The following ASPSCR1 variants were observed in gnomAD, a reference collection of about 807,000 sequenced individuals.
ASPSCR1 encodes ASPSCR1 tether for SLC2A4, UBX domain containing, also known as tether containing UBX domain for GLUT4.
A neutral mutation model predicts 68.9 loss-of-function variants in ASPSCR1; 55 were observed. The observed-to-expected ratio is 0.80, with a 90% CI of 0.64 to 1.00. The LOEUF (loss-of-function observed/expected upper bound fraction) is 1.00, where lower values mean the gene tolerates loss of function less well. Among genes scored for constraint, ASPSCR1 ranks in the 50% least tolerant of loss-of-function variants. The probability of loss-of-function intolerance (pLI) is 0.00; values close to 1 mark genes in which losing one functional copy is unlikely to be tolerated. For synonymous variants in ASPSCR1, 352 were observed against 332.6 expected, an observed-to-expected ratio of 1.06 and a Z score of -0.63; for missense variants, 765 against 762.2, an observed-to-expected ratio of 1.00 and a Z score of -0.04.
intron 7 of ASPSCR1, among the ~76,000 whole-genome samples, chr17:82,002,855 G>T (rs2042580903): frequency 6.6e-6 from 1 of 151,784 alleles, no homozygotes; most frequent in Non-Finnish European, 1.5e-5. Context: ...ACCGCGCCCG[G>T]CCTGTTTTCA....
Position 82,010,885 on chromosome 17 carries a change from G to A in ASPSCR1, c.1237+17G>A, listed in dbSNP as rs2042915373. 1.3e-5 allele frequency: 21 copies of A among 1,609,874 alleles called. No homozygotes were observed. Among genetic ancestry groups the A allele is most frequent in the Non-Finnish European group, 1.8e-5 (21 of 1,179,510 alleles). ...GCGAGACAGGTGGGCAGCGCTGTGG[G>A]GTGTCCGGGGATGGGGGGCAGGGGC... On this transcript the variant is annotated intron_variant, in intron 10 of 15. Coordinates refer to ENST00000306739, the MANE Select transcript of ASPSCR1 (RefSeq NM_024083.4).
At chr17:81,989,093 A>G (rs2042084245) in intron 4 of ASPSCR1, among the ~76,000 whole-genome samples, 1 of 152,186 alleles carries the variant, frequency 6.6e-6, no homozygotes, top group Non-Finnish European at 1.5e-5. Context: ...CTGTAATCCC[A>G]GCTACTTGGG....
At chr17:82,010,522 C>T (rs2042898317) in intron 9 of ASPSCR1, among the ~76,000 whole-genome samples, 1 of 142,018 alleles carries the variant, frequency 7.0e-6, no homozygotes, top group South Asian at 2.3e-4. Context: ...GAGTGAGACT[C>T]CATCTCAAAA....
chr17:82,015,545 C>G (rs932712302), intron 12 of ASPSCR1: 1 of 764,406 alleles, frequency 1.3e-6, no homozygotes, highest in African/African-American at 1.8e-5. Context: ...GAACCAGGTG[C>G]CTCTCTGCAT....
intron 7 of ASPSCR1, chr17:82,005,066 C>T (rs924788098): frequency 3.9e-5 from 6 of 152,376 alleles, no homozygotes; most frequent in Admixed American, 6.5e-5. Context: ...TTGGATGCCC[C>T]GGCAGCCGTG....
chr17:82,010,141 C>T (rs1257381037), intron 9 of ASPSCR1: 9 of 282,748 alleles, frequency 3.2e-5, no homozygotes, highest in Non-Finnish European at 5.6e-5. Context: ...CGGCTGGTCT[C>T]GAACTCCTGA....
Position 81,994,829 on chromosome 17 carries a change from T to C in ASPSCR1, c.383T>C (p.Leu128Pro), listed in dbSNP as rs1477756089. 1 of 1,613,430 alleles carries C rather than the reference T, an allele frequency of 6.2e-7. No individual in the cohort carries two copies. Among genetic ancestry groups the C allele is most frequent in the Non-Finnish European group, 8.5e-7 (1 of 1,179,972 alleles). Reference protein sequence around the residue: ...LSHFPQIRECLQHPGGATPVC... With the variant: ...LSHFPQIRECPQHPGGATPVC... ...CTTTCCTCTCCTCCCAGGGAGTGCC[T>C]GCAGCACCCCGGCGGGGCCACCCCA... Residue 128 changes from leucine (L) to proline (P), a missense_variant, in exon 5 of 16, where the codon CTG becomes CCG. Coordinates refer to ENST00000306739, the MANE Select transcript of ASPSCR1 (RefSeq NM_024083.4).
At chr17:82,005,602 A>C (rs1162698875) in intron 7 of ASPSCR1, 2 of 152,076 alleles carry the variant, frequency 1.3e-5, no homozygotes, top group Non-Finnish European at 2.9e-5. Context: ...GGCCCCCTGC[A>C]CTGCTGAGGT....
Position 81,996,563 on chromosome 17 carries a change from A to G in ASPSCR1, c.650A>G (p.Asp217Gly), listed in dbSNP as rs761488078. The change falls in exon 7 of 16, where the codon GAC (aspartate) becomes GGC (glycine). Residue 217 changes from aspartate (D) to glycine (G), a missense_variant. Physicochemically the swap from Asp to Gly is moderately conservative, Grantham distance 94. Coordinates refer to ENST00000306739, the MANE Select transcript of ASPSCR1 (RefSeq NM_024083.4). ...LSRGDLSRPE[D>G]ADTSGPCCEH... ...CGCGGCGACTTGAGCCGTCCGGAGGACGCGGACACCTCAGGGCCCTGCTGC... is the reference window on the plus strand; with the variant it reads ...CGCGGCGACTTGAGCCGTCCGGAGGGCGCGGACACCTCAGGGCCCTGCTGC... The G allele has an allele frequency of 3.7e-6, 6 of 1,612,666 alleles. No individual in the cohort carries two copies. The African/African-American group carries it at 8.0e-5, about 22-fold the overall frequency.
intron 7 of ASPSCR1, among the ~76,000 whole-genome samples, chr17:81,998,957 C>G (rs1178122926): frequency 6.6e-6 from 1 of 152,234 alleles, no homozygotes; most frequent in Non-Finnish European, 1.5e-5. Context: ...CACGCCTCCC[C>G]CCAACCGTGG....
At chr17:82,008,977 C>G in intron 7 of ASPSCR1, 60 bp from the exon 8 acceptor site, 1 of 1,433,520 alleles carries the variant, frequency 7.0e-7, no homozygotes, top group Non-Finnish European at 9.1e-7. Flanking sequence ...GCACTGACAG[C>G]CCGGGGTGCG....
Position 81,977,938 on chromosome 17 carries a change from G to T in ASPSCR1, c.102+190G>T, listed in dbSNP as rs1461676138. 1.1e-4 allele frequency: 37 copies of T among 341,518 alleles called. No individual in the cohort carries two copies. In the East Asian group the frequency reaches 1.7e-3, roughly 16 times the overall value. 21.2% of individuals were successfully genotyped at this position (341,518 alleles called of 1,614,324 possible). A position where few individuals can be genotyped will look rare whatever the true frequency, so the allele number is the denominator to read the frequency against. On this transcript the variant is annotated intron_variant, in intron 1 of 15. Coordinates refer to ENST00000306739, the MANE Select transcript of ASPSCR1 (RefSeq NM_024083.4). The surrounding 1 kb of genome is among the most constrained non-coding windows in gnomAD (Gnocchi z 5.0). ...CCGCTGGGGTCCCGGGGGTCCCGGG[G>T]GTCCCGAGTGGGGGCGGGGCGGTGG...
chr17:82,010,700 C>T lies in ASPSCR1; in HGVS notation c.1171-102C>T, dbSNP rs924861246. The T allele has an allele frequency of 2.6e-5, 33 of 1,278,528 alleles. 1 individual carries two copies. The East Asian group carries it at 7.2e-4, about 28-fold the overall frequency. 79.2% of individuals were successfully genotyped at this position (1,278,528 alleles called of 1,614,324 possible). A position where few individuals can be genotyped will look rare whatever the true frequency, so the allele number is the denominator to read the frequency against. On this transcript the variant is annotated intron_variant, in intron 9 of 15. Transcript: ENST00000306739. ...GGGTGGCTGCTTCTGCCTGCCTCAG[C>T]CCTGGTGTCCATGGCCCAGCATGGG... is the stretch of plus-strand genomic sequence containing the variant.
Position 82,009,197 on chromosome 17 carries a change from TGCCCCCTCAGTGCCTCCC to T in ASPSCR1, c.1088+8_1088+25del. ...GCCCAGCTCAAGAGTGAGCGGTGGG[TGCCCCCTCAGTGCCTCCC>T]GGCATCTTCGCGCCAGGGTTTGCCC... On this transcript the variant is annotated splice_region_variant and intron_variant, in intron 8 of 15. Coordinates refer to ENST00000306739, the MANE Select transcript of ASPSCR1 (RefSeq NM_024083.4). 5 of 1,599,218 alleles carry T rather than the reference TGCCCCCTCAGTGCCTCCC, an allele frequency of 3.1e-6. No individual in the cohort carries two copies. The highest frequency in any genetic ancestry group is 4.3e-6 in the Non-Finnish European group (5 of 1,171,812).
chr17:81,997,113 G>GATGAGGCCGTGTGGGCTCCGGA (rs2042374454), intron 7 of ASPSCR1, among the ~76,000 whole-genome samples: 1 of 151,828 alleles, frequency 6.6e-6, no homozygotes, highest in Non-Finnish European at 1.5e-5. Context: ...TCCGCTCCGG[G>GATGAGGCCGTGTGGGCTCCGGA]ATGAGGCCGT....
In ASPSCR1 at chr17:81,983,171, C is replaced by T. The variant is rs1439307649; in HGVS notation, c.159-383C>T. On this transcript the variant is annotated intron_variant, in intron 2 of 15. Transcript: ENST00000306739. The surrounding 1 kb of genome is among the most constrained non-coding windows in gnomAD (Gnocchi z 4.4). Reference sequence around the variant, plus strand: ...GTCAGGTTTTCTGTGGTGGCTCCAGCCGTGACGGCCGGGGTCTGTGACACT... The same window carrying T: ...GTCAGGTTTTCTGTGGTGGCTCCAGTCGTGACGGCCGGGGTCTGTGACACT... 6.6e-6 allele frequency among the ~76,000 whole-genome samples: 1 copy of T among 152,226 alleles called. No homozygotes were observed. Among genetic ancestry groups the T allele is most frequent in the Non-Finnish European group, 1.5e-5 (1 of 68,044 alleles).
chr17:81,985,195 T>C (rs1461730998), intron 3 of ASPSCR1, among the ~76,000 whole-genome samples: 3 of 123,926 alleles, frequency 2.4e-5, no homozygotes, highest in Non-Finnish European at 5.1e-5. Flanking sequence ...CATGCACACA[T>C]CCACACACAT....
intron 4 of ASPSCR1, 65 bp from the exon 5 acceptor site, chr17:81,994,756 A>G: frequency 2.0e-6 from 3 of 1,529,074 alleles, no homozygotes; most frequent in African/African-American, 1.4e-5. Flanking sequence ...CTCCTGCCCC[A>G]GGGCCTCCGT....
intron 12 of ASPSCR1, chr17:82,013,443 A>C (rs1415063599): frequency 1.3e-5 from 2 of 152,026 alleles, no homozygotes; most frequent in African/African-American, 2.4e-5. Flanking sequence ...GCTCGGCTCT[A>C]GCCTCGGGGC....
Sources: gnomAD v4.1 joint callset for allele counts (sites outside exome capture counted in the v4.1 genomes callset) on GRCh38, gnomAD v4.1.1 for gene constraint, Gnocchi (gnomAD v3.1) non-coding constraint, MANE v1.5 for transcripts, NCBI Gene and HGNC (gene_info 2026-07-23, HGNC 2026-07-21) for gene names.